VAV3: variants seen among roughly 807,000 people sequenced by gnomAD.
VAV3 encodes guanine nucleotide exchange factor VAV3.
In VAV3, 94 loss-of-function variants were observed where a neutral mutation model predicts 131.2. The observed-to-expected ratio is 0.72, with a 90% confidence interval of 0.61 to 0.85. VAV3 has a LOEUF of 0.85. VAV3 is among the 40% of genes least tolerant of loss of function. VAV3 has a pLI of 0.00. For synonymous variants in VAV3, 349 were observed against 342.0 expected (o/e 1.02, Z -0.22); for missense variants, 939 against 1,002.7 (o/e 0.94, Z 0.86).
Position 107,749,550 on chromosome 1 carries a change from T to C in VAV3, c.1304A>G (p.Lys435Arg). ...TTCCTTCATTTCATAGTTATCACCT[T>C]TTCTCTTACATACGATCACTGCCAA... ...FDLAVIVCKR[K>R]GDNYEMKEII... The change falls in exon 14 of 27, where the codon AAA (lysine) becomes AGA (arginine). Residue 435 changes from lysine to arginine, a missense_variant. Lys to Arg is a conservative substitution (Grantham distance 26). Coordinates refer to ENST00000370056, the MANE Select transcript of VAV3 (RefSeq NM_006113.5). 2 of 1,611,982 alleles carry C rather than the reference T, an allele frequency of 1.2e-6. No homozygotes were observed. Among genetic ancestry groups the C allele is most frequent in the Non-Finnish European group, 1.7e-6 (2 of 1,179,352 alleles).
chr1:107,778,466 A>T (rs935298272), intron 3 of VAV3, among the ~76,000 whole-genome samples: 2 of 152,222 alleles, frequency 1.3e-5, no homozygotes, highest in African/African-American at 4.8e-5. Context: ...CATGTATTGA[A>T]GAGCAAATTA....
chr1:107,927,041 C>T (rs1312060472), intron 1 of VAV3, among the ~76,000 whole-genome samples: 1 of 152,200 alleles, frequency 6.6e-6, no homozygotes, highest in African/African-American at 2.4e-5. Context: ...AAAGAGAATC[C>T]TTCCCTTTGC....
intron 2 of VAV3, among the ~76,000 whole-genome samples, chr1:107,830,772 G>A (rs1475517212): frequency 6.6e-6 from 1 of 152,186 alleles, no homozygotes; most frequent in Admixed American, 6.5e-5. Flanking sequence ...TGACAACTAT[G>A]TTACCAGGCT....
At chr1:107,883,531 T>C (rs1670883327) in intron 1 of VAV3, among the ~76,000 whole-genome samples, 2 of 152,216 alleles carry the variant, frequency 1.3e-5, no homozygotes, top group African/African-American at 4.8e-5. Flanking sequence ...TCATATCTTC[T>C]TATTTCAATG....
intron 2 of VAV3, among the ~76,000 whole-genome samples, chr1:107,810,761 T>C (rs1667278765): frequency 6.6e-6 from 1 of 151,934 alleles, no homozygotes; most frequent in East Asian, 1.9e-4. Context: ...TTTCCATTCA[T>C]CCAGGATATC....
At chr1:107,625,350 TC>T (rs1474900084) in intron 20 of VAV3, among the ~76,000 whole-genome samples, 1 of 151,392 alleles carries the variant, frequency 6.6e-6, no homozygotes, top group Non-Finnish European at 1.5e-5. Flanking sequence ...CACTGCAACC[TC>T]CGCCTCCCGG....
At chr1:107,574,814 A>T (rs965192837) in intron 25 of VAV3, among the ~76,000 whole-genome samples, 1 of 152,208 alleles carries the variant, frequency 6.6e-6, no homozygotes, top group African/African-American at 2.4e-5. Flanking sequence ...AAGAGGTGTG[A>T]ATCAGGTCTC....
At chr1:107,638,941 C>A (rs1475253123) in intron 20 of VAV3, among the ~76,000 whole-genome samples, 1 of 151,812 alleles carries the variant, frequency 6.6e-6, no homozygotes, top group Non-Finnish European at 1.5e-5. Flanking sequence ...GATACACACA[C>A]ACGGCATATA....
chr1:107,960,193 C>T (rs6674463), intron 1 of VAV3, among the ~76,000 whole-genome samples: 16,971 of 152,174 alleles, frequency 0.11, 1,775 homozygotes, highest in African/African-American at 0.28. Context: ...CAGGGCTGGG[C>T]GTGGCAGCTC....
At chr1:107,607,190 G>A (rs1652348343) in intron 22 of VAV3, among the ~76,000 whole-genome samples, 1 of 151,986 alleles carries the variant, frequency 6.6e-6, no homozygotes, top group Admixed American at 6.6e-5. Flanking sequence ...CTGACCTCAT[G>A]ATCCGCCCAC....
At chr1:107,620,271 T>C (rs2101247014) in intron 20 of VAV3, among the ~76,000 whole-genome samples, 1 of 152,232 alleles carries the variant, frequency 6.6e-6, no homozygotes, top group Non-Finnish European at 1.5e-5. Flanking sequence ...TCCTCTTCAT[T>C]AAAAAGAATA....
At chr1:107,903,463 G>A (rs775429845) in intron 1 of VAV3, among the ~76,000 whole-genome samples, 35 of 152,140 alleles carry the variant, frequency 2.3e-4, no homozygotes, top group African/African-American at 7.0e-4. Context: ...TGGCAGCAGA[G>A]AGACCTGCAT....
chr1:107,595,389 G>C (rs950182687), intron 25 of VAV3, among the ~76,000 whole-genome samples: 1 of 150,528 alleles, frequency 6.6e-6, no homozygotes, highest in Non-Finnish European at 1.5e-5. Context: ...TTAAACCGAC[G>C]CAAATTCTGT....
At chr1:107,764,108 A>AAAAACAAAAAACAAAAC (rs1360988715) in intron 9 of VAV3, among the ~76,000 whole-genome samples, 12 of 147,232 alleles carry the variant, frequency 8.2e-5, no homozygotes, top group African/African-American at 3.0e-4. Context: ...AAACAAAACA[A>AAAAACAAAAAACAAAAC]AAAAAAAAAC....
chr1:107,620,297 C>A (rs1031541531), intron 20 of VAV3, among the ~76,000 whole-genome samples: 1 of 152,076 alleles, frequency 6.6e-6, no homozygotes, highest in East Asian at 1.9e-4. Context: ...AAGCTATGTG[C>A]CACATGATGA....
chr1:107,906,245 C>CTTGTTTTGTTTTGTT (rs59790141), intron 1 of VAV3, among the ~76,000 whole-genome samples: 20 of 151,970 alleles, frequency 1.3e-4, no homozygotes, highest in African/African-American at 4.6e-4. Flanking sequence ...TAAGCCAAGG[C>CTTGTTTTGTTTTGTT]TTGTTTTGTT....
intron 19 of VAV3, among the ~76,000 whole-genome samples, chr1:107,647,255 G>A (rs1309792727): frequency 6.7e-6 from 1 of 149,744 alleles, no homozygotes; most frequent in African/African-American, 2.5e-5. Context: ...TAGGTAATAT[G>A]CTAGCCTTTC....
chr1:107,793,480 C>T (rs1051375973), intron 2 of VAV3, among the ~76,000 whole-genome samples: 4 of 152,144 alleles, frequency 2.6e-5, no homozygotes, highest in Admixed American at 2.0e-4. Flanking sequence ...GGGAGTGTGT[C>T]GGCCTTATTC....
At chr1:107,803,558 C>G (rs1666923749) in intron 2 of VAV3, among the ~76,000 whole-genome samples, 1 of 151,970 alleles carries the variant, frequency 6.6e-6, no homozygotes, top group Admixed American at 6.6e-5. Context: ...TGTCTCATTT[C>G]AGAGAGGTTC....
Sources: allele counts gnomAD v4.1 joint callset (sites outside exome capture counted in the v4.1 genomes callset), GRCh38; gene constraint gnomAD v4.1.1; transcripts MANE v1.5; gene names NCBI Gene and HGNC (gene_info 2026-07-23, HGNC 2026-07-21).